The following CD99L2 variants were observed in gnomAD, a reference collection of about 807,000 sequenced individuals.
CD99L2 encodes CD99 antigen-like protein 2.
In CD99L2, 24 loss-of-function variants were observed where a neutral mutation model predicts 27.3. The ratio of observed to expected loss-of-function variants is 0.88; its 90% CI spans 0.64 to 1.24. CD99L2 has a LOEUF of 1.24. Ranked by LOEUF, CD99L2 falls within the 50% of genes most tolerant of loss-of-function variation. The pLI is 0.00. For missense variants in CD99L2, 255 were observed against 221.6 expected (o/e 1.15, Z -0.96); for synonymous variants, 97 against 87.9 (o/e 1.10, Z -0.58).
chrX:150,783,225 A>C (rs2045542027), intron 7 of CD99L2, among the ~76,000 whole-genome samples: 2 of 110,722 alleles, frequency 1.8e-5, no homozygotes, highest in Non-Finnish European at 3.8e-5. Flanking sequence ...TGGGTGCAGC[A>C]AACCACCATG....
At chrX:150,796,757 T>A (rs950873815) in intron 4 of CD99L2, among the ~76,000 whole-genome samples, 8 of 112,238 alleles carry the variant, frequency 7.1e-5, no homozygotes, top group African/African-American at 2.6e-4. Context: ...GGAAATAAAC[T>A]TCAACAAATT....
intron 4 of CD99L2, among the ~76,000 whole-genome samples, chrX:150,807,090 T>A (rs1557420262): frequency 9.0e-6 from 1 of 111,212 alleles, no homozygotes; most frequent in East Asian, 2.8e-4. Flanking sequence ...TTGACATGAG[T>A]ATACAGAATA....
intron 1 of CD99L2, among the ~76,000 whole-genome samples, chrX:150,898,223 C>G (rs1264657110): frequency 1.8e-5 from 2 of 112,114 alleles, no homozygotes; most frequent in African/African-American, 6.5e-5. Context: ...TTGGGGACAG[C>G]TGTTGTCACC....
chrX:150,822,456 T>C (rs1191643027), intron 2 of CD99L2, among the ~76,000 whole-genome samples: 1 of 112,035 alleles, frequency 8.9e-6, no homozygotes, highest in Non-Finnish European at 1.9e-5. Flanking sequence ...GAGGTGGTTG[T>C]ACAACATTAA....
intron 2 of CD99L2, among the ~76,000 whole-genome samples, chrX:150,817,714 G>A: frequency 1.8e-5 from 2 of 111,731 alleles, no homozygotes; most frequent in Non-Finnish European, 3.8e-5. Flanking sequence ...GAGGTCAGGT[G>A]TAGTGTCATG....
intron 1 of CD99L2, among the ~76,000 whole-genome samples, chrX:150,893,842 A>C (rs2124396447): frequency 9.1e-6 from 1 of 109,407 alleles, no homozygotes; most frequent in Admixed American, 9.8e-5. Context: ...TAGCCTCCCG[A>C]GTAGCTGGGA....
chrX:150,860,088 T>C (rs781914666), intron 1 of CD99L2, among the ~76,000 whole-genome samples: 10 of 111,076 alleles, frequency 9.0e-5, no homozygotes, highest in Non-Finnish European at 1.9e-4. Context: ...AACAAAATAA[T>C]AGCAAACTGA....
At chrX:150,778,921 G>T (rs1436109776) in intron 7 of CD99L2, among the ~76,000 whole-genome samples, 1 of 110,655 alleles carries the variant, frequency 9.0e-6, no homozygotes, top group African/African-American at 3.3e-5. Flanking sequence ...GGAAGATGGG[G>T]GTCACTGTGT....
chrX:150,800,979 C>T (rs540974316), intron 4 of CD99L2, among the ~76,000 whole-genome samples: 2 of 108,511 alleles, frequency 1.8e-5, no homozygotes, highest in African/African-American at 3.4e-5. Flanking sequence ...TACAGTGAGC[C>T]GAGACCACGC....
chrX:150,801,415 G>T (rs970988292), intron 4 of CD99L2, among the ~76,000 whole-genome samples: 2 of 111,882 alleles, frequency 1.8e-5, no homozygotes, highest in Non-Finnish European at 3.8e-5. Flanking sequence ...TGGCAGGAGA[G>T]AGAGAGGAGC....
intron 2 of CD99L2, chrX:150,816,469 T>A (rs1300710783): frequency 5.0e-5 from 9 of 178,694 alleles, no homozygotes; most frequent in South Asian, 1.3e-4. Context: ...TAAACATAGA[T>A]AATCCTGCTC....
intron 1 of CD99L2, among the ~76,000 whole-genome samples, chrX:150,869,683 C>T (rs370780996): frequency 1.1e-4 from 12 of 111,926 alleles, no homozygotes; most frequent in Admixed American, 9.5e-4. Context: ...CCAGCCAAGG[C>T]GTCTGCTCAG....
At chrX:150,858,612 T>A (rs1478876085) in intron 1 of CD99L2, among the ~76,000 whole-genome samples, 15 of 112,045 alleles carry the variant, frequency 1.3e-4, no homozygotes, top group African/African-American at 4.9e-4. Flanking sequence ...AATGGGTCAA[T>A]GAAGAAGTTA....
chrX:150,788,062 G>A (rs1242050961), intron 7 of CD99L2, among the ~76,000 whole-genome samples: 1 of 107,607 alleles, frequency 9.3e-6, no homozygotes, highest in Non-Finnish European at 1.9e-5. Flanking sequence ...GTACCATGCT[G>A]TTTTGGTTAC....
At chrX:150,841,495 A>C (rs782478756) in intron 1 of CD99L2, among the ~76,000 whole-genome samples, 60 of 111,600 alleles carry the variant, frequency 5.4e-4, no homozygotes, top group African/African-American at 1.6e-3. Context: ...TAAAAGTTCT[A>C]CATCAATCCC....
At chrX:150,820,139 C>T (rs1338856155) in intron 2 of CD99L2, among the ~76,000 whole-genome samples, 1 of 110,236 alleles carries the variant, frequency 9.1e-6, no homozygotes, top group Non-Finnish European at 1.9e-5. Context: ...AAAATACTAG[C>T]AAACCAAATC....
intron 7 of CD99L2, among the ~76,000 whole-genome samples, chrX:150,788,086 A>T (rs192064612): frequency 9.3e-6 from 1 of 108,071 alleles, no homozygotes; most frequent in African/African-American, 3.4e-5. Context: ...AGCAGGACAC[A>T]ATACAAAAAG....
intron 4 of CD99L2, among the ~76,000 whole-genome samples, chrX:150,807,462 A>G (rs73609551): frequency 0.082 from 9,170 of 111,658 alleles, 501 homozygotes; most frequent in African/African-American, 0.2. Context: ...TAAAGCCAGG[A>G]TCCCTGCACT....
intron 2 of CD99L2, among the ~76,000 whole-genome samples, chrX:150,826,882 T>C (rs1557420938): frequency 9.0e-6 from 1 of 111,635 alleles, no homozygotes; most frequent in East Asian, 2.8e-4. Context: ...CCTCACTTCC[T>C]TGCACATTAC....
Sources: allele counts gnomAD v4.1 joint callset (sites outside exome capture counted in the v4.1 genomes callset), GRCh38; gene constraint gnomAD v4.1.1; transcripts MANE v1.5; gene names NCBI Gene and HGNC (gene_info 2026-07-23, HGNC 2026-07-21).